Variants in FAM193B observed in about 807,000 individuals in gnomAD.
FAM193B encodes the protein protein FAM193B.
A neutral mutation model predicts 70.7 loss-of-function variants in FAM193B; 27 were observed. The ratio of observed to expected loss-of-function variants is 0.38; its 90% CI spans 0.28 to 0.53. FAM193B has a LOEUF of 0.53. Among genes scored for constraint, FAM193B ranks in the 20% least tolerant of loss-of-function variants. The pLI, the probability that FAM193B is intolerant of heterozygous loss-of-function variation, is 0.81. For missense variants in FAM193B, 1,022 were observed against 1,072.5 expected, an observed-to-expected ratio of 0.95 and a Z score of 0.66; for synonymous variants, 448 against 436.0, an observed-to-expected ratio of 1.03 and a Z score of -0.34.
rs2127448071 is a variant in FAM193B at position 177,524,167 on chromosome 5, A to G, written c.2296+18T>C. 6.3e-7 allele frequency: 1 copy of G among 1,581,014 alleles called. No individual in the cohort carries two copies. The highest frequency in any genetic ancestry group is 8.6e-7 in the Non-Finnish European group (1 of 1,162,598). On this transcript the variant is annotated intron_variant, in intron 6 of 8. Transcript: ENST00000514747. ...GGCTGGGGTAGGGGGTCAGCCGCTC[A>G]GTTCCTGGTGCACTCACCCAAGGAG...
intron 5 of FAM193B, among the ~76,000 whole-genome samples, chr5:177,525,978 C>T (rs188089648): frequency 5.3e-5 from 8 of 152,330 alleles, no homozygotes; most frequent in Admixed American, 2.0e-4. Context: ...GGGAGACAGG[C>T]GGCAGATAAA....
At chr5:177,553,097 G>A in intron 1 of FAM193B, 1 of 839,110 alleles carries the variant, frequency 1.2e-6, no homozygotes, top group Non-Finnish European at 1.4e-6. Flanking sequence ...GCACAGAGAG[G>A]GCACCTGACG....
At chr5:177,539,418 A>G in intron 1 of FAM193B, 1 of 377,266 alleles carries the variant, frequency 2.7e-6, no homozygotes, top group Non-Finnish European at 4.8e-6. Flanking sequence ...TCTGGCTCCA[A>G]AACTCATGCT....
intron 5 of FAM193B, among the ~76,000 whole-genome samples, chr5:177,529,052 A>G (rs560497848): frequency 6.6e-6 from 1 of 152,218 alleles, no homozygotes; most frequent in East Asian, 2.0e-4. Flanking sequence ...ACTCCATTCA[A>G]GTGAGTGAGA....
At chr5:177,541,953 G>A (rs1764913859) in intron 1 of FAM193B, among the ~76,000 whole-genome samples, 1 of 152,182 alleles carries the variant, frequency 6.6e-6, no homozygotes, top group African/African-American at 2.4e-5. Context: ...ATTGTTTAGG[G>A]AATAATGACG....
At chr5:177,530,573 C>T (rs1189936284) in intron 5 of FAM193B, among the ~76,000 whole-genome samples, 3 of 152,252 alleles carry the variant, frequency 2.0e-5, no homozygotes, top group Non-Finnish European at 4.4e-5. Context: ...GTCTTCCTGC[C>T]TGGAATCCTC....
intron 5 of FAM193B, among the ~76,000 whole-genome samples, chr5:177,530,493 T>C (rs565989617): frequency 2.6e-5 from 4 of 152,254 alleles, no homozygotes; most frequent in African/African-American, 9.6e-5. Context: ...ATCCCTCTCT[T>C]CTTCTCTGGC....
chr5:177,531,301 C>T (rs921504498), intron 5 of FAM193B: 5 of 1,338,234 alleles, frequency 3.7e-6, no homozygotes, highest in African/African-American at 1.5e-5. Context: ...CAGCTTGTGC[C>T]GGGCCCGCTT....
chr5:177,521,550 T>A (rs953596992), intron 8 of FAM193B, among the ~76,000 whole-genome samples: 2 of 152,218 alleles, frequency 1.3e-5, no homozygotes, highest in African/African-American at 4.8e-5. Context: ...CTTGGTAGCC[T>A]ACACTGAGGA....
intron 1 of FAM193B, among the ~76,000 whole-genome samples, chr5:177,552,397 G>A (rs966596924): frequency 6.6e-6 from 1 of 152,234 alleles, no homozygotes; most frequent in African/African-American, 2.4e-5. Context: ...AGTGGAGTAG[G>A]TAAGAACATG....
At chr5:177,553,397 G>A (rs1766558209) in intron 1 of FAM193B, 2 of 1,008,800 alleles carry the variant, frequency 2.0e-6, no homozygotes, top group South Asian at 3.6e-5. Context: ...TTTTGTCAGA[G>A]CAAGCTTAGG....
intron 5 of FAM193B, among the ~76,000 whole-genome samples, chr5:177,530,374 G>C (rs529412930): frequency 4.6e-5 from 7 of 152,252 alleles, no homozygotes; most frequent in East Asian, 3.9e-4. Context: ...CTCAGTGAAA[G>C]GCACCACCAT....
In FAM193B at chr5:177,538,241, A is replaced by T; in HGVS notation, c.454-134T>A. The T allele has an allele frequency of 1.1e-6, 1 of 873,464 alleles. No homozygotes were observed. The highest frequency in any genetic ancestry group is 1.7e-6 in the Non-Finnish European group (1 of 588,882). 54.1% of individuals were successfully genotyped at this position (873,464 alleles called of 1,614,324 possible). A position where few individuals can be genotyped will look rare whatever the true frequency, so the allele number is the denominator to read the frequency against. ...CCATAGCAAAAACACAATTAATACA[A>T]CTCCAGCTATAAGAACAAATGAGGG... is the stretch of plus-strand genomic sequence containing the variant. On this transcript the variant is annotated intron_variant, in intron 2 of 8. Transcript: ENST00000514747. This position sits in a 1 kb window ranked among gnomAD's most constrained non-coding sequence, Gnocchi z 4.1.
intron 5 of FAM193B, chr5:177,531,318 C>T (rs1195546421): frequency 2.1e-5 from 29 of 1,353,348 alleles, no homozygotes; most frequent in Non-Finnish European, 2.9e-5. Context: ...GCTTGGCGGC[C>T]CTGGCGCTGT....
At chr5:177,531,965 C>G (rs946298815) in intron 5 of FAM193B, 9 of 1,286,264 alleles carry the variant, frequency 7.0e-6, no homozygotes, top group Admixed American at 2.3e-5. Flanking sequence ...TATGAGACTT[C>G]TGCACTGCTT....
At chr5:177,544,440 GACTT>G (rs1469286724) in intron 1 of FAM193B, among the ~76,000 whole-genome samples, 1 of 152,144 alleles carries the variant, frequency 6.6e-6, no homozygotes, top group African/African-American at 2.4e-5. Context: ...CTGAAAGAAT[GACTT>G]ACTATTTAGA....
At position 177,532,184 on chromosome 5, in the gene FAM193B, A is replaced by G; in HGVS notation, c.1275+259T>C. 15 of 1,485,630 alleles carry G rather than the reference A, an allele frequency of 1.0e-5. No homozygotes were observed. The highest frequency in any genetic ancestry group is 1.3e-5 in the Non-Finnish European group (15 of 1,115,620). The allele number at this position is 1,485,630 out of a possible 1,614,324, so 92.0% of individuals were successfully genotyped here. On this transcript the variant is annotated intron_variant, in intron 5 of 8. Coordinates refer to ENST00000514747, the MANE Select transcript of FAM193B (RefSeq NM_001190946.3). This position sits in a 1 kb window ranked among gnomAD's most constrained non-coding sequence, Gnocchi z 4.9. ...TCAGAATCATAGCTTTCTCTCTGCC[A>G]TTTCCTTTCCTTTTGCCTAAGGAAA...
At chr5:177,549,633 A>G (rs1765937566) in intron 1 of FAM193B, among the ~76,000 whole-genome samples, 1 of 152,230 alleles carries the variant, frequency 6.6e-6, no homozygotes, top group African/African-American at 2.4e-5. Context: ...CAATTACTAT[A>G]CACACGTTCT....
intron 1 of FAM193B, 35 bp downstream of exon 1, chr5:177,554,214 G>T (rs901491721): frequency 1.3e-6 from 2 of 1,488,232 alleles, no homozygotes; most frequent in South Asian, 1.2e-5. Flanking sequence ...AGGTGAAAGC[G>T]CCCGAGCCGC....
Sources: allele counts gnomAD v4.1 joint callset (sites outside exome capture counted in the v4.1 genomes callset), GRCh38; gene constraint gnomAD v4.1.1; non-coding constraint Gnocchi (gnomAD v3.1); transcripts MANE v1.5; gene names NCBI Gene and HGNC (gene_info 2026-07-23, HGNC 2026-07-21).